The following RNF144A variants were observed in gnomAD, a reference collection of about 807,000 sequenced individuals.
RNF144A encodes the protein E3 ubiquitin-protein ligase RNF144A.
Under a neutral mutation model 38.7 loss-of-function variants are expected in RNF144A, and 11 were observed. That is an observed-to-expected ratio of 0.28 (90% CI 0.18 to 0.47). The LOEUF (loss-of-function observed/expected upper bound fraction) is 0.47, where lower values mean the gene tolerates loss of function less well. Ranked by LOEUF, RNF144A falls within the 20% of genes least tolerant of loss-of-function variation. RNF144A has a pLI of 0.99. For missense variants in RNF144A, 316 were observed against 377.2 expected, an observed-to-expected ratio of 0.84 and a Z score of 1.34; for synonymous variants, 149 against 143.9, an observed-to-expected ratio of 1.04 and a Z score of -0.25.
Position 7,020,655 on chromosome 2 carries a change from A to G in RNF144A, c.484A>G (p.Ile162Val), listed in dbSNP as rs1173714631. Residue 162 changes from isoleucine (I) to valine (V), a missense_variant, in exon 6 of 9, where the codon ATC becomes GTC. Ile to Val is a conservative substitution (Grantham distance 29). Coordinates refer to ENST00000320892, the MANE Select transcript of RNF144A (RefSeq NM_014746.6). Reference sequence around the variant, plus strand: ...CCAGGGCTGCCCGGAGACCATGCCGATCACCTTCCTCCCCGGGGAGACCAG... The same window carrying G: ...CCAGGGCTGCCCGGAGACCATGCCGGTCACCTTCCTCCCCGGGGAGACCAG... ...PGQGCPETMP[I>V]TFLPGETSAA... 7.5e-6 allele frequency: 12 copies of G among 1,605,414 alleles called. No homozygotes were observed. Among genetic ancestry groups the G allele is most frequent in the Non-Finnish European group, 1.0e-5 (12 of 1,179,960 alleles).
At chr2:6,966,200 C>T (rs1667657166) in intron 2 of RNF144A, among the ~76,000 whole-genome samples, 1 of 152,328 alleles carries the variant, frequency 6.6e-6, no homozygotes, top group South Asian at 2.1e-4. Flanking sequence ...GATGTTTTCA[C>T]CTTCTAGCTA....
chr2:6,923,213 C>T (rs923258202), intron 1 of RNF144A, among the ~76,000 whole-genome samples: 1 of 152,218 alleles, frequency 6.6e-6, no homozygotes, highest in Admixed American at 6.5e-5. Context: ...GTGTTCCCTC[C>T]ACAGAAATAC....
At chr2:6,948,625 T>G (rs1294694337) in intron 2 of RNF144A, among the ~76,000 whole-genome samples, 1 of 152,172 alleles carries the variant, frequency 6.6e-6, no homozygotes, top group Non-Finnish European at 1.5e-5. Context: ...GATAAAAATT[T>G]AGGAGAGACT....
chr2:6,975,012 C>G (rs1668224130), intron 2 of RNF144A, among the ~76,000 whole-genome samples: 1 of 152,096 alleles, frequency 6.6e-6, no homozygotes, highest in Non-Finnish European at 1.5e-5. Flanking sequence ...ATTATAATGG[C>G]TTTTATTTTT....
chr2:7,014,524 C>A lies in RNF144A; in HGVS notation c.206C>A (p.Ala69Asp). 1.2e-6 allele frequency: 2 copies of A among 1,608,380 alleles called. No individual in the cohort carries two copies. Among genetic ancestry groups the A allele is most frequent in the Non-Finnish European group, 1.7e-6 (2 of 1,177,742 alleles). Residue 69 changes from alanine to aspartate, a missense_variant, in exon 4 of 9, where the codon GCC (alanine) becomes GAC (aspartate). By Grantham distance (126) the Ala-to-Asp change is moderately radical (BLOSUM62 -2). Transcript: ENST00000320892. ...ACCGCAATTAGCTGCCCAGATGCTG[C>A]CTGCCCTAAACAGGGCCACCTACAG... ...LETAISCPDA[A>D]CPKQGHLQEN...
intron 3 of RNF144A, 36 bp from the exon 4 acceptor site, chr2:7,014,418 A>G: frequency 7.2e-7 from 1 of 1,391,436 alleles, no homozygotes; most frequent in East Asian, 2.3e-5. Flanking sequence ...TAAGGAGGTA[A>G]AGATGTTTAT....
intron 1 of RNF144A, among the ~76,000 whole-genome samples, chr2:6,925,903 A>G (rs1304479776): frequency 1.3e-5 from 2 of 152,196 alleles, no homozygotes; most frequent in Non-Finnish European, 2.9e-5. Context: ...CACATGCATC[A>G]ATACACACAA....
At chr2:6,999,240 C>A (rs553128219) in intron 3 of RNF144A, among the ~76,000 whole-genome samples, 1 of 152,268 alleles carries the variant, frequency 6.6e-6, no homozygotes, top group South Asian at 2.1e-4. Context: ...AAAACAGTTC[C>A]ACCTCTGTCC....
At chr2:7,048,629 T>C (rs1309910780), downstream of RNF144A, among the ~76,000 whole-genome samples, 1 of 152,186 alleles carries the variant, frequency 6.6e-6, no homozygotes, top group Non-Finnish European at 1.5e-5. Context: ...AGGGGCCACG[T>C]TGCTTGGAAT....
chr2:6,923,142 G>A (rs1284778182), intron 1 of RNF144A, among the ~76,000 whole-genome samples: 7 of 152,234 alleles, frequency 4.6e-5, no homozygotes, highest in Non-Finnish European at 1.0e-4. Context: ...TCCTCTGAAT[G>A]AAAGGGGGCC....
chr2:7,053,813 G>A (rs1354467893), intron 6 of RNF144A, among the ~76,000 whole-genome samples: 1 of 152,220 alleles, frequency 6.6e-6, no homozygotes, highest in Non-Finnish European at 1.5e-5. Flanking sequence ...ACCTCCACTT[G>A]TTATATAACC....
chr2:7,009,373 C>T (rs1252699546), intron 3 of RNF144A, among the ~76,000 whole-genome samples: 1 of 152,164 alleles, frequency 6.6e-6, no homozygotes. Flanking sequence ...AGCAGCACGC[C>T]GATCATGACC....
At chr2:6,956,929 G>A (rs76225586) in intron 2 of RNF144A, among the ~76,000 whole-genome samples, 4,107 of 152,280 alleles carry the variant, frequency 0.027, 196 homozygotes, top group African/African-American at 0.095. Context: ...ATATTAAAAT[G>A]CTCTCTGTTG....
Position 7,043,466 on chromosome 2 carries a change from A to G in RNF144A, c.*3706A>G, listed in dbSNP as rs1009416003. On this transcript the variant is annotated 3_prime_UTR_variant, in exon 9 of 9. Transcript: ENST00000320892. Reference sequence around the variant, plus strand: ...CATTTATTAGTGAGCACACCTGTGTATATATATAAATCACAAGGAGATCAT... The same window carrying G: ...CATTTATTAGTGAGCACACCTGTGTGTATATATAAATCACAAGGAGATCAT... The G allele has an allele frequency of 3.0e-6, 3 of 985,612 alleles. No individual in the cohort carries two copies. The African/African-American group carries it at 5.2e-5, about 17-fold the overall frequency. 61.1% of individuals were successfully genotyped at this position (985,612 alleles called of 1,614,324 possible).
At chr2:6,963,605 A>G (rs1034116100) in intron 2 of RNF144A, among the ~76,000 whole-genome samples, 10 of 152,226 alleles carry the variant, frequency 6.6e-5, no homozygotes, top group Non-Finnish European at 1.5e-5. Flanking sequence ...ACAAGAGAAG[A>G]GGCCCAAACA....
intron 2 of RNF144A, among the ~76,000 whole-genome samples, chr2:6,964,120 G>A (rs1667504949): frequency 6.6e-6 from 1 of 152,066 alleles, no homozygotes; most frequent in Non-Finnish European, 1.5e-5. Flanking sequence ...GAACACGTTG[G>A]CTTCCAATGT....
At chr2:7,045,286 G>A (rs565919094), downstream of RNF144A, among the ~76,000 whole-genome samples, 19 of 152,320 alleles carry the variant, frequency 1.2e-4, no homozygotes, top group African/African-American at 4.3e-4. Flanking sequence ...AGTGAGTTAG[G>A]GTCCTAGGGC....
chr2:7,059,014 T>C lies in RNF144A; in HGVS notation c.735-9202T>C, dbSNP rs532058859. 1.9e-4 allele frequency among the ~76,000 whole-genome samples: 29 copies of C among 151,994 alleles called. No individual in the cohort carries two copies. The East Asian group carries it at 5.2e-3, about 27-fold the overall frequency. On this transcript the variant is annotated intron_variant, in intron 6 of 6. Transcript: ENST00000432850. Reference sequence around the variant, plus strand: ...AACTTGGAGTGGGAGCTTTTTGACATGGATTGAGAGAGGGTGAGGTGAAAA... The same window carrying C: ...AACTTGGAGTGGGAGCTTTTTGACACGGATTGAGAGAGGGTGAGGTGAAAA...
At chr2:6,975,449 A>C (rs1386202021) in intron 2 of RNF144A, among the ~76,000 whole-genome samples, 1 of 152,144 alleles carries the variant, frequency 6.6e-6, no homozygotes, top group Non-Finnish European at 1.5e-5. Context: ...TATATTGAGA[A>C]TCCAACTGCC....
Sources: gnomAD v4.1 joint callset for allele counts (sites outside exome capture counted in the v4.1 genomes callset) on GRCh38, gnomAD v4.1.1 for gene constraint, MANE v1.5 for transcripts, NCBI Gene and HGNC (gene_info 2026-07-23, HGNC 2026-07-21) for gene names.